The following XYLT1 variants were observed in gnomAD, a reference collection of about 807,000 sequenced individuals.
XYLT1 encodes the protein xylosyltransferase 1.
A neutral mutation model predicts 91.3 loss-of-function variants in XYLT1; 36 were observed. The observed-to-expected ratio is 0.39, with a 90% CI of 0.30 to 0.52. The LOEUF (loss-of-function observed/expected upper bound fraction) is 0.52, where lower values mean the gene tolerates loss of function less well. Ranked by LOEUF, XYLT1 falls within the 20% of genes least tolerant of loss-of-function variation. The pLI, the probability that XYLT1 is intolerant of heterozygous loss-of-function variation, is 0.68. For synonymous variants in XYLT1, 588 were observed against 532.0 expected, an observed-to-expected ratio of 1.11 and a Z score of -1.45; for missense variants, 1,242 against 1,284.5, an observed-to-expected ratio of 0.97 and a Z score of 0.51.
At chr16:17,186,181 G>T (rs556951204) in intron 5 of XYLT1, among the ~76,000 whole-genome samples, 1 of 152,232 alleles carries the variant, frequency 6.6e-6, no homozygotes, top group East Asian at 1.9e-4. Flanking sequence ...TCGGCTCACT[G>T]CAACCTCCAC....
chr16:17,456,891 T>C (rs991848430), intron 1 of XYLT1, among the ~76,000 whole-genome samples: 7 of 152,186 alleles, frequency 4.6e-5, no homozygotes, highest in Non-Finnish European at 8.8e-5. Flanking sequence ...AATGATAATC[T>C]AGGAGACGCT....
At chr16:17,464,508 A>G (rs1474996093) in intron 1 of XYLT1, among the ~76,000 whole-genome samples, 2 of 148,670 alleles carry the variant, frequency 1.3e-5, no homozygotes, top group African/African-American at 5.0e-5. Flanking sequence ...AAAAAAAAAA[A>G]GGAGCTAGAA....
At position 17,418,133 on chromosome 16, in the gene XYLT1, T is replaced by C. The variant is rs2036203251; in HGVS notation, c.363+52301A>G. 2.0e-5 allele frequency among the ~76,000 whole-genome samples: 3 copies of C among 152,248 alleles called. No individual in the cohort carries two copies. In the South Asian group the frequency reaches 6.2e-4, roughly 31 times the overall value. ...CCCACAAAACCTTGAGAGATGATACTAAAGCACTGTTTTAGTCATTACGTT... is the reference window on the plus strand; with the variant it reads ...CCCACAAAACCTTGAGAGATGATACCAAAGCACTGTTTTAGTCATTACGTT... On this transcript the variant is annotated intron_variant, in intron 1 of 11. Transcript: ENST00000261381.
At chr16:17,138,250 G>A in intron 8 of XYLT1, 105 bp downstream of exon 8, 1 of 1,362,090 alleles carries the variant, frequency 7.3e-7, no homozygotes, top group Non-Finnish European at 1.0e-6. Context: ...AGCCAGGTTT[G>A]GGCACCATGT....
At chr16:17,466,222 A>G (rs2036894998) in intron 1 of XYLT1, among the ~76,000 whole-genome samples, 1 of 152,282 alleles carries the variant, frequency 6.6e-6, no homozygotes, top group South Asian at 2.1e-4. Context: ...GAGAGATCAT[A>G]AGTGGCAGCT....
At chr16:17,383,935 A>G (rs990912362) in intron 1 of XYLT1, among the ~76,000 whole-genome samples, 2 of 151,722 alleles carry the variant, frequency 1.3e-5, no homozygotes, top group Non-Finnish European at 2.9e-5. Context: ...TTTAGTAGAG[A>G]CAGGGTTTCG....
chr16:17,391,571 A>G (rs2035819648), intron 1 of XYLT1, among the ~76,000 whole-genome samples: 1 of 152,172 alleles, frequency 6.6e-6, no homozygotes, highest in Admixed American at 6.5e-5. Flanking sequence ...GGCAATTACA[A>G]ACTGTCCACT....
At chr16:17,266,598 C>G (rs1332482064) in intron 2 of XYLT1, among the ~76,000 whole-genome samples, 1 of 152,198 alleles carries the variant, frequency 6.6e-6, no homozygotes, top group Non-Finnish European at 1.5e-5. Context: ...CTCTCCGCAG[C>G]TATTAGGAAT....
At chr16:17,223,982 T>C (rs1375893583) in intron 3 of XYLT1, among the ~76,000 whole-genome samples, 1 of 152,220 alleles carries the variant, frequency 6.6e-6, no homozygotes, top group Non-Finnish European at 1.5e-5. Context: ...CTAACTAATA[T>C]AGTGATTCTA....
chr16:17,139,501 A>AAAT (rs2030897273), intron 7 of XYLT1, among the ~76,000 whole-genome samples: 1 of 152,168 alleles, frequency 6.6e-6, no homozygotes, highest in Non-Finnish European at 1.5e-5. Context: ...TCTTGATTAA[A>AAAT]AATAGCCAAA....
At chr16:17,149,939 G>GT (rs999975010) in intron 6 of XYLT1, among the ~76,000 whole-genome samples, 2 of 152,146 alleles carry the variant, frequency 1.3e-5, no homozygotes, top group Non-Finnish European at 2.9e-5. Context: ...GATGCTTTAT[G>GT]TTTTTTTCCT....
At position 17,178,102 on chromosome 16, in the gene XYLT1, T is replaced by G. The variant is rs144545474; in HGVS notation, c.1290-19193A>C. Among the ~76,000 whole-genome samples, 1,174 of 152,226 alleles carry G rather than the reference T, an allele frequency of 7.7e-3. 10 individuals are homozygous for G. The highest frequency in any genetic ancestry group is 0.014 in the Non-Finnish European group (951 of 68,004). On this transcript the variant is annotated intron_variant, in intron 5 of 11. Coordinates refer to ENST00000261381, the MANE Select transcript of XYLT1 (RefSeq NM_022166.4). ...GGGTGGTAAGAAAACCGGTATGCTC[T>G]GGCTGGCAGGAACTCTGCGGGGCTG...
At chr16:17,445,538 G>A (rs2036581042) in intron 1 of XYLT1, among the ~76,000 whole-genome samples, 1 of 152,208 alleles carries the variant, frequency 6.6e-6, no homozygotes, top group Admixed American at 6.5e-5. Flanking sequence ...AGAGGCCCCG[G>A]GCTCACCTGG....
intron 5 of XYLT1, among the ~76,000 whole-genome samples, chr16:17,189,158 T>C (rs1029340693): frequency 6.6e-6 from 1 of 152,100 alleles, no homozygotes; most frequent in East Asian, 1.9e-4. Flanking sequence ...CACCCCAAGA[T>C]TGTCATCAGA....
intron 5 of XYLT1, among the ~76,000 whole-genome samples, chr16:17,185,607 T>C (rs536867950): frequency 6.6e-6 from 1 of 152,338 alleles, no homozygotes; most frequent in South Asian, 2.1e-4. Context: ...TTCTATTTAT[T>C]TTTCTAACTA....
At position 17,109,083 on chromosome 16, in the gene XYLT1, C is replaced by T. The variant is rs749059906; in HGVS notation, c.2558-66G>A. 560 of 1,445,798 alleles carry T rather than the reference C, an allele frequency of 3.9e-4. 1 individual carries two copies. The highest frequency in any genetic ancestry group is 1.1e-3 in the Admixed American group (46 of 41,682). 89.6% of individuals were successfully genotyped at this position (1,445,798 alleles called of 1,614,324 possible). A position where few individuals can be genotyped will look rare whatever the true frequency, so the allele number is the denominator to read the frequency against. ...CCAATAGGATGCCTATTCATACTTACCCTGTGCCTGGTGCTGCACTGGGTG... is the reference window on the plus strand; with the variant it reads ...CCAATAGGATGCCTATTCATACTTATCCTGTGCCTGGTGCTGCACTGGGTG... On this transcript the variant is annotated intron_variant, in intron 11 of 11. Coordinates refer to ENST00000261381, the MANE Select transcript of XYLT1 (RefSeq NM_022166.4).
chr16:17,141,998 GGCTCCTGTGACCCTCCTGCCTCCA>G (rs1306995095), intron 6 of XYLT1, among the ~76,000 whole-genome samples: 1 of 152,060 alleles, frequency 6.6e-6, no homozygotes, highest in African/African-American at 2.4e-5. Flanking sequence ...CAAACTCCTG[GGCTCCTGTGACCCTCCTGCCTCCA>G]GCTCCTGAGT....
chr16:17,360,567 T>C (rs745686444), intron 1 of XYLT1, among the ~76,000 whole-genome samples: 6 of 152,204 alleles, frequency 3.9e-5, no homozygotes, highest in Non-Finnish European at 7.3e-5. Context: ...ACATCATTAA[T>C]ACTTGGGTTT....
intron 5 of XYLT1, among the ~76,000 whole-genome samples, chr16:17,192,095 T>C (rs1356025289): frequency 1.9e-5 from 2 of 103,940 alleles, no homozygotes; most frequent in African/African-American, 7.1e-5. Context: ...TCTCTCTCTT[T>C]TTTTTTTTTT....
Sources: allele counts gnomAD v4.1 joint callset (sites outside exome capture counted in the v4.1 genomes callset), GRCh38; gene constraint gnomAD v4.1.1; transcripts MANE v1.5; gene names NCBI Gene and HGNC (gene_info 2026-07-23, HGNC 2026-07-21).